NAT16: variants seen among roughly 807,000 people sequenced by gnomAD.
The protein encoded by NAT16 is N-acetyltransferase 16 (putative), also known as probable N-acetyltransferase 16.
A neutral mutation model predicts 15.9 loss-of-function variants in NAT16; 16 were observed. The ratio of observed to expected loss-of-function variants is 1.01; its 90% CI spans 0.68 to 1.53. The LOEUF (loss-of-function observed/expected upper bound fraction) is 1.53. NAT16 is among the 40% of genes most tolerant of loss of function. The probability of loss-of-function intolerance (pLI) is 0.00; values close to 1 mark genes in which losing one functional copy is unlikely to be tolerated. For missense variants in NAT16, 572 were observed against 508.4 expected (o/e 1.13, Z -1.20); for synonymous variants, 260 against 241.9 (o/e 1.07, Z -0.69).
chr7:101,179,584 AG>A (rs1797546476), intron 1 of NAT16, among the ~76,000 whole-genome samples: 1 of 102,032 alleles, frequency 9.8e-6, no homozygotes. Context: ...GAGAAGGCCT[AG>A]GGGGTGGGCA....
intron 1 of NAT16, among the ~76,000 whole-genome samples, chr7:101,175,623 T>TA (rs1440164561): frequency 6.8e-5 from 10 of 146,688 alleles, no homozygotes; most frequent in African/African-American, 2.6e-4. Flanking sequence ...GGGGGTAGTT[T>TA]TAAAAAAAAA....
rs1381023802 is a variant in NAT16, at chr7:101,173,526, G to A, written c.313-6C>T. The A allele has an allele frequency of 6.3e-7, 1 of 1,576,522 alleles. No individual in the cohort carries two copies. The highest frequency in any genetic ancestry group is 2.3e-5 in the East Asian group (1 of 43,800). ...TTCACCGACTCCAGCGCGATCTGCGGACCGAGGCCGTTAGCGCGGGGCCCT... is the reference window on the plus strand; with the variant it reads ...TTCACCGACTCCAGCGCGATCTGCGAACCGAGGCCGTTAGCGCGGGGCCCT... On this transcript the variant is annotated splice_region_variant and splice_polypyrimidine_tract_variant and intron_variant, in intron 2 of 3. Coordinates refer to ENST00000300303, the MANE Select transcript of NAT16 (RefSeq NM_198571.3).
chr7:101,173,123 C>T (rs1341239487), intron 3 of NAT16, among the ~76,000 whole-genome samples, 173 bp downstream of exon 3: 1 of 152,058 alleles, frequency 6.6e-6, no homozygotes, highest in Non-Finnish European at 1.5e-5. Flanking sequence ...GTTTGACTTC[C>T]CCTGGGTCAA....
At chr7:101,179,600 C>T (rs1797546718) in intron 1 of NAT16, among the ~76,000 whole-genome samples, 1 of 119,930 alleles carries the variant, frequency 8.3e-6, no homozygotes, top group South Asian at 2.7e-4. Flanking sequence ...TGGGCAGAGG[C>T]AGGGGCCGAG....
At position 101,172,528 on chromosome 7, in the gene NAT16, C is replaced by A; in HGVS notation, c.661G>T (p.Gly221Cys). 6.4e-7 allele frequency: 1 copy of A among 1,574,476 alleles called. No homozygotes were observed. The highest frequency in any genetic ancestry group is 8.6e-7 in the Non-Finnish European group (1 of 1,168,220). The change falls in exon 4 of 4, where the codon GGC (glycine) becomes TGC (cysteine). Residue 221 changes from glycine to cysteine, a missense_variant. Transcript: ENST00000300303. The surrounding 1 kb of genome is among the most constrained non-coding windows in gnomAD (Gnocchi z 4.2). ...LPTEAVSEAG[G>C]DVARLLLSPS... Reference sequence around the variant, plus strand: ...GACAGCAGGAGGCGTGCCACGTCGCCGCCTGCCTCGGACACGGCCTCGGTG... The same window carrying A: ...GACAGCAGGAGGCGTGCCACGTCGCAGCCTGCCTCGGACACGGCCTCGGTG...
At chr7:101,173,868 A>G in intron 2 of NAT16, 1 of 326,072 alleles carries the variant, frequency 3.1e-6, no homozygotes, top group East Asian at 5.3e-5. Context: ...CTGGGACAAC[A>G]GGCACGCACC....
rs1348511961 is a variant in NAT16 at position 101,173,411 on chromosome 7, C to G, written c.422G>C (p.Arg141Pro). The G allele has an allele frequency of 6.2e-7, 1 of 1,613,542 alleles. No homozygotes were observed. The highest frequency in any genetic ancestry group is 2.2e-5 in the East Asian group (1 of 44,858). The change falls in exon 3 of 4, where the codon CGC becomes CCC. Residue 141 changes from arginine to proline, a missense_variant. Arg to Pro is a moderately radical substitution (Grantham distance 103, BLOSUM62 -2). Transcript: ENST00000300303. ...TCTCTTGACCAGCTGCGAGCAGAAG[C>G]GCTGCAGCAGCCCGGCCACGCCCTT... ...RGKGVAGLLQ[R>P]FCSQLVKRQH...
Position 101,173,310 on chromosome 7 carries a change from G to A in NAT16, c.523C>T (p.Leu175=), listed in dbSNP as rs1293581145. The change falls in exon 3 of 4, where the codon CTA becomes TTA. Residue 175 remains leucine (L), a synonymous_variant. Transcript: ENST00000300303. The part of the protein sequence containing the change: ...LGPRELKKYR[L]ITKQGILLVR... ...GTCCTTCTCACCTGCTTGGTGATTA[G>A]GCGGTATTTCTTCAGCTCCCGGGGG... 2 of 1,613,784 alleles carry A rather than the reference G, an allele frequency of 1.2e-6. No individual in the cohort carries two copies. The highest frequency in any genetic ancestry group is 4.5e-5 in the East Asian group (2 of 44,874).
chr7:101,173,720 CT>C (rs1306799335), intron 2 of NAT16, 200 bp from the exon 3 acceptor site: 4 of 544,932 alleles, frequency 7.3e-6, no homozygotes, highest in Non-Finnish European at 1.3e-5. Flanking sequence ...CTTCGTCCAC[CT>C]TTTTATTTTT....
intron 1 of NAT16, among the ~76,000 whole-genome samples, chr7:101,178,721 A>AAAT (rs1315489956): frequency 1.3e-5 from 2 of 148,808 alleles, no homozygotes; most frequent in African/African-American, 5.0e-5. Context: ...AAAAAAAAAA[A>AAAT]AAAAAAAAAA....
rs1797426984 is a variant in NAT16 at position 101,174,680 on chromosome 7, C to G, written c.128G>C (p.Gly43Ala). 4 of 1,613,966 alleles carry G rather than the reference C, an allele frequency of 2.5e-6. No individual in the cohort carries two copies. Among genetic ancestry groups the G allele is most frequent in the Non-Finnish European group, 3.4e-6 (4 of 1,180,018 alleles). Reference sequence around the variant, plus strand: ...CTCGGCCTCAGCCTCAGGCCCCGATCCCGACCTGGGCTCGGCCTCCACCTC... The same window carrying G: ...CTCGGCCTCAGCCTCAGGCCCCGATGCCGACCTGGGCTCGGCCTCCACCTC... ...PQEVEAEPRS[G>A]SGPEAEAEPL... The change falls in exon 2 of 4, where the codon GGA becomes GCA. Residue 43 changes from glycine to alanine, a missense_variant. Physicochemically the swap from Gly to Ala is moderately conservative, Grantham distance 60 (BLOSUM62 0). Coordinates refer to ENST00000300303, the MANE Select transcript of NAT16 (RefSeq NM_198571.3).
chr7:101,173,214 CG>C, intron 3 of NAT16, 81 bp downstream of exon 3: 1 of 1,255,418 alleles, frequency 8.0e-7, no homozygotes, highest in Non-Finnish European at 1.2e-6. Flanking sequence ...AGAGCAAGCC[CG>C]TGTTCTGCTG....
chr7:101,173,891 T>C, intron 2 of NAT16: 1 of 251,652 alleles, frequency 4.0e-6, no homozygotes, highest in Non-Finnish European at 7.5e-6. Context: ...TACTCTCGGC[T>C]TTTTATTTAT....
intron 3 of NAT16, among the ~76,000 whole-genome samples, 164 bp downstream of exon 3, chr7:101,173,132 A>G (rs1797373857): frequency 6.6e-6 from 1 of 152,080 alleles, no homozygotes; most frequent in South Asian, 2.1e-4. Context: ...CCCCTGGGTC[A>G]AAGGGTCTGG....
intron 2 of NAT16, chr7:101,174,207 T>C (rs1797411200): frequency 4.0e-6 from 2 of 503,018 alleles, no homozygotes; most frequent in Non-Finnish European, 7.0e-6. Context: ...TCTCTCCTGC[T>C]CCCCACCTCC....
chr7:101,173,936 C>T (rs1019825097), intron 2 of NAT16: 47 of 212,916 alleles, frequency 2.2e-4, no homozygotes, highest in Middle Eastern at 1.7e-3. Flanking sequence ...TCGCATGTTG[C>T]CCAGGCTGGT....
At chr7:101,174,067 C>A in intron 2 of NAT16, 1 of 277,776 alleles carries the variant, frequency 3.6e-6, no homozygotes, top group Admixed American at 4.8e-5. Flanking sequence ...CCGAGTGTGT[C>A]AAGTTCCGGA....
In NAT16 at chr7:101,172,198, A is replaced by T. The variant is rs1797339567; in HGVS notation, c.991T>A (p.Cys331Ser). The T allele has an allele frequency of 1.2e-6, 2 of 1,613,834 alleles. No homozygotes were observed. The highest frequency in any genetic ancestry group is 1.3e-5 in the African/African-American group (1 of 74,926). The change falls in exon 4 of 4, where the codon TGC becomes AGC. Residue 331 changes from cysteine to serine, a missense_variant. Coordinates refer to ENST00000300303, the MANE Select transcript of NAT16 (RefSeq NM_198571.3). The surrounding 1 kb of genome is among the most constrained non-coding windows in gnomAD (Gnocchi z 4.2). ...AGCTGGGGCTCCAGGAAGAGCTGGCACATGACGTTGAGGCCAACGAGGCGC... is the reference window on the plus strand; with the variant it reads ...AGCTGGGGCTCCAGGAAGAGCTGGCTCATGACGTTGAGGCCAACGAGGCGC... The part of the protein sequence containing the change: ...APRLVGLNVM[C>S]QLFLEPQLWS...
Position 101,172,719 on chromosome 7 carries a change from G to T in NAT16, c.538-68C>A. On this transcript the variant is annotated intron_variant, in intron 3 of 3. Coordinates refer to ENST00000300303, the MANE Select transcript of NAT16 (RefSeq NM_198571.3). The surrounding 1 kb of genome is among the most constrained non-coding windows in gnomAD (Gnocchi z 4.2). ...GGGCTGGCGAGCCCGGCGCCTCTCG[G>T]CAGGCATCTTCACTCCCACGTTCAC... 3 of 1,273,310 alleles carry T rather than the reference G, an allele frequency of 2.4e-6. No homozygotes were observed. The highest frequency in any genetic ancestry group is 3.1e-6 in the Non-Finnish European group (3 of 967,436). The allele number at this position is 1,273,310 out of a possible 1,614,324, so 78.9% of individuals were successfully genotyped here.
Sources: allele counts gnomAD v4.1 joint callset (sites outside exome capture counted in the v4.1 genomes callset), GRCh38; gene constraint gnomAD v4.1.1; non-coding constraint Gnocchi (gnomAD v3.1); transcripts MANE v1.5; gene names NCBI Gene and HGNC (gene_info 2026-07-23, HGNC 2026-07-21).